The following ARHGAP6 variants were observed in gnomAD, a reference collection of about 807,000 sequenced individuals.
The protein encoded by ARHGAP6 is rho GTPase-activating protein 6.
Under a neutral mutation model 55.7 loss-of-function variants are expected in ARHGAP6, and 16 were observed. The ratio of observed to expected loss-of-function variants is 0.29; its 90% CI spans 0.19 to 0.44. The LOEUF is 0.44. ARHGAP6 is among the 20% of genes least tolerant of loss of function. ARHGAP6 has a pLI of 1.00. For synonymous variants in ARHGAP6, 382 were observed against 360.9 expected, an observed-to-expected ratio of 1.06 and a Z score of -0.66; for missense variants, 698 against 808.9, an observed-to-expected ratio of 0.86 and a Z score of 1.66.
chrX:11,330,875 GA>G (rs1244854360), intron 1 of ARHGAP6, among the ~76,000 whole-genome samples: 1 of 111,807 alleles, frequency 8.9e-6, no homozygotes, highest in Non-Finnish European at 1.9e-5. Context: ...TATTCTCATG[GA>G]TGTTAGAATA....
intron 1 of ARHGAP6, among the ~76,000 whole-genome samples, chrX:11,440,031 T>A (rs896930035): frequency 8.9e-6 from 1 of 112,625 alleles, no homozygotes; most frequent in African/African-American, 3.2e-5. Context: ...TTGGTTTCCC[T>A]CCAAAGTTGA....
At chrX:11,216,716 T>TC (rs2046887877) in intron 2 of ARHGAP6, among the ~76,000 whole-genome samples, 5 of 97,061 alleles carry the variant, frequency 5.2e-5, no homozygotes, top group African/African-American at 1.7e-4. Context: ...GATGTAACTT[T>TC]TTTCTTTTTT....
chrX:11,225,696 C>A, intron 2 of ARHGAP6: 1 of 665,177 alleles, frequency 1.5e-6, no homozygotes, highest in Non-Finnish European at 2.3e-6. Context: ...ACAAAAGAGA[C>A]GGCAACAAGA....
At chrX:11,258,952 G>A (rs1459807220) in intron 1 of ARHGAP6, among the ~76,000 whole-genome samples, 2 of 111,651 alleles carry the variant, frequency 1.8e-5, no homozygotes, top group African/African-American at 6.5e-5. Flanking sequence ...TGGGGTATCT[G>A]TCCCCTCAAG....
chrX:11,484,400 A>G (rs1378244002), intron 1 of ARHGAP6, among the ~76,000 whole-genome samples: 2 of 108,810 alleles, frequency 1.8e-5, no homozygotes, highest in South Asian at 4.2e-4. Flanking sequence ...GAAGAAAAAG[A>G]GAAGGAAGAT....
rs1236378365 is a variant in ARHGAP6, at chrX:11,251,200, G to A, written c.748+3348C>T. ...TCCAGGACCTCTTCGCCATCCTCAC[G>A]CCTAGTGGATTAAATTGCTTCCTAT... On this transcript the variant is annotated intron_variant, in intron 2 of 12. Transcript: ENST00000337414. Among the ~76,000 whole-genome samples the A allele has an allele frequency of 3.6e-5, 4 of 111,227 alleles. No homozygotes were observed. The East Asian group carries it at 8.5e-4, about 24-fold the overall frequency.
chrX:11,482,946 A>G lies in ARHGAP6; in HGVS notation c.588+181295T>C, dbSNP rs375023994. Among the ~76,000 whole-genome samples, 5 of 110,958 alleles carry G rather than the reference A, an allele frequency of 4.5e-5. No individual in the cohort carries two copies. The East Asian group carries it at 1.4e-3, about 32-fold the overall frequency. The stretch of plus-strand genomic sequence containing the variant: ...TCCTCTGGGGGGTGAATTTTATGAG[A>G]CCTTGAACTCTGTGGAGCCTCCCTC... On this transcript the variant is annotated intron_variant, in intron 1 of 12. Transcript: ENST00000337414.
At position 11,495,843 on chromosome X, in the gene ARHGAP6, G is replaced by T. The variant is rs1199127884; in HGVS notation, c.588+168398C>A. Among the ~76,000 whole-genome samples the T allele has an allele frequency of 6.2e-5, 7 of 112,832 alleles. No homozygotes were observed. The East Asian group carries it at 1.1e-3, about 18-fold the overall frequency. Reference sequence around the variant, plus strand: ...CAGAATTGTAACTTTTGTCTTGACAGTTGATTCTGCTGTTGCCTTCTTGGC... The same window carrying T: ...CAGAATTGTAACTTTTGTCTTGACATTTGATTCTGCTGTTGCCTTCTTGGC... On this transcript the variant is annotated intron_variant, in intron 1 of 12. Transcript: ENST00000337414.
chrX:11,343,662 C>T (rs917899873), intron 1 of ARHGAP6, among the ~76,000 whole-genome samples: 2 of 111,338 alleles, frequency 1.8e-5, no homozygotes, highest in African/African-American at 6.5e-5. Context: ...CACCCCGGAC[C>T]TACTGACTAG....
chrX:11,428,095 G>A (rs1317708096), intron 1 of ARHGAP6, among the ~76,000 whole-genome samples: 1 of 112,577 alleles, frequency 8.9e-6, no homozygotes, highest in African/African-American at 3.2e-5. Context: ...CCAGCGAGAA[G>A]GCGAACTTGG....
At chrX:11,483,681 C>A (rs752545125) in intron 1 of ARHGAP6, among the ~76,000 whole-genome samples, 1 of 110,396 alleles carries the variant, frequency 9.1e-6, no homozygotes, top group Non-Finnish European at 1.9e-5. Flanking sequence ...TAAGCCACTG[C>A]TGATTACTCT....
chrX:11,283,872 A>G (rs772548700), intron 1 of ARHGAP6, among the ~76,000 whole-genome samples: 1 of 111,874 alleles, frequency 8.9e-6, no homozygotes, highest in African/African-American at 3.2e-5. Flanking sequence ...CAGACTTCTG[A>G]CCTCTGGAAG....
chrX:11,436,291 T>C (rs953051478), intron 1 of ARHGAP6, among the ~76,000 whole-genome samples: 1 of 112,667 alleles, frequency 8.9e-6, no homozygotes, highest in African/African-American at 3.2e-5. Flanking sequence ...AGCTATCAGT[T>C]TGCATTTCTG....
At chrX:11,250,642 G>A (rs2047411816) in intron 2 of ARHGAP6, among the ~76,000 whole-genome samples, 1 of 110,808 alleles carries the variant, frequency 9.0e-6, no homozygotes, top group Non-Finnish European at 1.9e-5. Flanking sequence ...CTTTGAAGCC[G>A]GCAACATTGC....
chrX:11,215,247 G>A (rs1453531906), intron 2 of ARHGAP6, among the ~76,000 whole-genome samples: 2 of 113,044 alleles, frequency 1.8e-5, no homozygotes, highest in Non-Finnish European at 3.8e-5. Context: ...GGTGCACACC[G>A]GGTGACTCCC....
chrX:11,310,529 A>AAAT (rs2048288645), intron 1 of ARHGAP6, among the ~76,000 whole-genome samples: 1 of 111,972 alleles, frequency 8.9e-6, no homozygotes, highest in Non-Finnish European at 1.9e-5. Flanking sequence ...AAGTACTGAT[A>AAAT]AATACTACAA....
intron 1 of ARHGAP6, among the ~76,000 whole-genome samples, chrX:11,429,554 C>T (rs1330515995): frequency 8.9e-6 from 1 of 112,109 alleles, no homozygotes; most frequent in East Asian, 2.8e-4. Flanking sequence ...CCTTGCCAAA[C>T]CCAGGAACTT....
chrX:11,654,571 C>T (rs2052618343), intron 1 of ARHGAP6, among the ~76,000 whole-genome samples: 1 of 111,692 alleles, frequency 9.0e-6, no homozygotes, highest in African/African-American at 3.3e-5. Flanking sequence ...TAAGGCCAGG[C>T]AATTTTTCAA....
intron 1 of ARHGAP6, among the ~76,000 whole-genome samples, chrX:11,411,874 A>C (rs1277509008): frequency 1.8e-5 from 2 of 111,314 alleles, no homozygotes; most frequent in African/African-American, 3.3e-5. Context: ...ACTGCGTTGG[A>C]TAACCATCAC....
Sources: gnomAD v4.1 joint callset for allele counts (sites outside exome capture counted in the v4.1 genomes callset) on GRCh38, gnomAD v4.1.1 for gene constraint, MANE v1.5 for transcripts, NCBI Gene and HGNC (gene_info 2026-07-23, HGNC 2026-07-21) for gene names.